The following KIDINS220 variants were observed in gnomAD, a reference collection of about 807,000 sequenced individuals.
The protein encoded by KIDINS220 is kinase D interacting substrate 220.
KIDINS220 carries 63 observed loss-of-function variants against 157.6 expected under a neutral mutation model. That is an observed-to-expected ratio of 0.40 (90% CI 0.33 to 0.49). The LOEUF is 0.49. Among genes scored for constraint, KIDINS220 ranks in the 20% least tolerant of loss-of-function variants. The pLI, the probability that KIDINS220 is intolerant of heterozygous loss-of-function variation, is 0.66. For missense variants in KIDINS220, 1,772 were observed against 2,171.2 expected, an observed-to-expected ratio of 0.82 and a Z score of 3.65; for synonymous variants, 732 against 783.6, an observed-to-expected ratio of 0.93 and a Z score of 1.10.
Position 8,731,781 on chromosome 2 carries a change from C to G in KIDINS220, c.4255G>C (p.Gly1419Arg), listed in dbSNP as rs372241002. Residue 1419 changes from glycine (G) to arginine (R), a missense_variant, in exon 30 of 30, where the codon GGT (glycine) becomes CGT (arginine). Coordinates refer to ENST00000256707, the MANE Select transcript of KIDINS220 (RefSeq NM_020738.4). The surrounding 1 kb of genome is among the most constrained non-coding windows in gnomAD (Gnocchi z 5.2). The part of the protein sequence containing the change: ...RSSPHSTYYM[G>R]QSSSGGSIHS... ...ATAGAGCCCCCTGATGAACTCTGAC[C>G]CATGTAATATGTGCTATGTGGAGAA... 34 of 1,613,982 alleles carry G rather than the reference C, an allele frequency of 2.1e-5. No homozygotes were observed. Among genetic ancestry groups the G allele is most frequent in the Admixed American group, 3.3e-5 (2 of 59,990 alleles).
intron 1 of KIDINS220, among the ~76,000 whole-genome samples, chr2:8,836,923 G>T (rs891123200): frequency 6.6e-6 from 1 of 152,192 alleles, no homozygotes; most frequent in Admixed American, 6.5e-5. Flanking sequence ...AAGTGATGAA[G>T]AAATTATTTC....
chr2:8,798,335 A>G (rs1159629216), intron 9 of KIDINS220, 35 bp from the exon 10 acceptor site: 1 of 1,159,430 alleles, frequency 8.6e-7, no homozygotes, highest in Non-Finnish European at 1.3e-6. Flanking sequence ...CACTTCATGT[A>G]AGATACAATA....
chr2:8,779,205 T>G, intron 18 of KIDINS220, 66 bp from the exon 19 acceptor site: 19 of 1,537,128 alleles, frequency 1.2e-5, no homozygotes, highest in Non-Finnish European at 1.5e-5. Flanking sequence ...AAGGCATCTC[T>G]TCAAAATATG....
intron 1 of KIDINS220, among the ~76,000 whole-genome samples, chr2:8,835,506 A>G (rs1680270000): frequency 6.6e-6 from 1 of 152,124 alleles, no homozygotes; most frequent in Admixed American, 6.5e-5. Flanking sequence ...GAGACAGCCA[A>G]TCAGCAAAGA....
chr2:8,737,356 A>T (rs1303053332), intron 26 of KIDINS220: 1 of 168,350 alleles, frequency 5.9e-6, no homozygotes, highest in Non-Finnish European at 1.3e-5. Context: ...ACACACACGC[A>T]AAAAGATGGA....
intron 17 of KIDINS220, among the ~76,000 whole-genome samples, chr2:8,781,846 G>A (rs1445406567): frequency 6.6e-6 from 1 of 152,238 alleles, no homozygotes; most frequent in Non-Finnish European, 1.5e-5. Flanking sequence ...ATCTGGCTGG[G>A]TGCAGTGGCT....
In KIDINS220 at chr2:8,776,773, T is replaced by C. The variant is rs1057120929; in HGVS notation, c.2823A>G (p.Arg941=). ...CTGTCACAGAAACAATATTAAGTAA[T>C]CTTCTCATGGTCTGGGGACTGATGT... The part of the protein sequence containing the change: ...FSDISPQTMR[R]LLNIVSVTGR... The change falls in exon 21 of 30, where the codon AGA becomes AGG. Residue 941 remains arginine, a synonymous_variant. Coordinates refer to ENST00000256707, the MANE Select transcript of KIDINS220 (RefSeq NM_020738.4). 1.9e-6 allele frequency: 3 copies of C among 1,613,802 alleles called. No homozygotes were observed. Among genetic ancestry groups the C allele is most frequent in the Non-Finnish European group, 2.5e-6 (3 of 1,179,912 alleles).
At chr2:8,776,487 G>A (rs1670970953) in intron 21 of KIDINS220, among the ~76,000 whole-genome samples, 1 of 151,986 alleles carries the variant, frequency 6.6e-6, no homozygotes, top group Non-Finnish European at 1.5e-5. Context: ...TATCTTTATA[G>A]TGAAAGAAAA....
intron 27 of KIDINS220, among the ~76,000 whole-genome samples, chr2:8,736,318 T>C (rs561374465): frequency 6.6e-6 from 1 of 152,176 alleles, no homozygotes; most frequent in Non-Finnish European, 1.5e-5. Context: ...CTGCTAGAAT[T>C]GCAATAGGAT....
rs754991074 is a variant in KIDINS220, at chr2:8,779,788, C to T, written c.2256G>A (p.Met752Ile). 4 of 1,613,978 alleles carry T rather than the reference C, an allele frequency of 2.5e-6. No homozygotes were observed. The African/African-American group carries it at 4.0e-5, about 16-fold the overall frequency. Reference sequence around the variant, plus strand: ...TGTCAATGGTTTTTGCCATCCTGGCCATCAATTCCACTTCACATTTAAGAA... The same window carrying T: ...TGTCAATGGTTTTTGCCATCCTGGCTATCAATTCCACTTCACATTTAAGAA... Reference protein sequence around the residue: ...MKVLKCEVELMARMAKTIDSF... With the variant: ...MKVLKCEVELIARMAKTIDSF... Residue 752 changes from methionine to isoleucine, a missense_variant, in exon 18 of 30, where the codon ATG becomes ATA. This residue lies in a region of KIDINS220 where 725 missense variants were observed against 1,017.1 expected (regional missense o/e 0.71). Coordinates refer to ENST00000256707, the MANE Select transcript of KIDINS220 (RefSeq NM_020738.4).
At chr2:8,819,763 T>A (rs930659275) in intron 2 of KIDINS220, among the ~76,000 whole-genome samples, 5 of 152,200 alleles carry the variant, frequency 3.3e-5, no homozygotes, top group African/African-American at 9.6e-5. Context: ...AGGCAAAGGT[T>A]GCAGTGAGCT....
intron 17 of KIDINS220, among the ~76,000 whole-genome samples, chr2:8,781,022 G>GTA (rs1315243638): frequency 3.3e-5 from 5 of 151,142 alleles, no homozygotes; most frequent in African/African-American, 1.2e-4. Flanking sequence ...AGAGCTAATT[G>GTA]TATGTTATCT....
chr2:8,765,147 G>A (rs1367035313), intron 22 of KIDINS220, among the ~76,000 whole-genome samples: 1 of 152,160 alleles, frequency 6.6e-6, no homozygotes, highest in Non-Finnish European at 1.5e-5. Context: ...GAAGGAGCCG[G>A]AGCCAGGCTG....
chr2:8,740,294 C>T, intron 26 of KIDINS220: 1 of 411,124 alleles, frequency 2.4e-6, no homozygotes, highest in Non-Finnish European at 3.3e-6. Context: ...ATTCCTATTT[C>T]CTCCTCACTC....
intron 11 of KIDINS220, among the ~76,000 whole-genome samples, chr2:8,794,852 C>G (rs1359159400): frequency 1.3e-5 from 2 of 152,186 alleles, no homozygotes; most frequent in Non-Finnish European, 2.9e-5. Flanking sequence ...TTCCAAGGCA[C>G]GACCTTATCT....
intron 27 of KIDINS220, among the ~76,000 whole-genome samples, chr2:8,736,225 A>G (rs1223634937): frequency 6.6e-6 from 1 of 152,234 alleles, no homozygotes; most frequent in Non-Finnish European, 1.5e-5. Flanking sequence ...TATAAAAAGT[A>G]TACCTTAGTG....
Position 8,802,940 on chromosome 2 carries a change from A to G in KIDINS220, c.791T>C (p.Ile264Thr). The G allele has an allele frequency of 6.2e-7, 1 of 1,613,588 alleles. No individual in the cohort carries two copies. Among genetic ancestry groups the G allele is most frequent in the Non-Finnish European group, 8.5e-7 (1 of 1,179,724 alleles). The change falls in exon 8 of 30, where the codon ATA becomes ACA. Residue 264 changes from isoleucine (I) to threonine (T), a missense_variant. Transcript: ENST00000256707. ...AAATAGATGACCTACCCTGTCAGGT[A>G]TGTTCACATATGTTCCAGCGTCGAG... ...DLLDAGTYVN[I>T]PDRSGDTVLI...
rs781621604 is a variant in KIDINS220 at position 8,730,960 on chromosome 2, G to A, written c.5076C>T (p.Ala1692=). ...CATCGAAATTTTGATTGGCTCTGTT[G>A]GCTGGAGCACTATTGTTGTTCAGAG... ...TVTLNNNSAP[A]NRANQNFDEM... is the part of the protein sequence containing the mutation. The change falls in exon 30 of 30, where the codon GCC becomes GCT. Residue 1692 remains alanine (A), a synonymous_variant. Transcript: ENST00000256707. The A allele has an allele frequency of 1.2e-6, 2 of 1,614,196 alleles. No individual in the cohort carries two copies. Among genetic ancestry groups the A allele is most frequent in the Admixed American group, 1.7e-5 (1 of 60,014 alleles).
In KIDINS220 at chr2:8,759,469, G is replaced by A. The variant is rs560345530; in HGVS notation, c.3012-7825C>T. 2.0e-5 allele frequency among the ~76,000 whole-genome samples: 3 copies of A among 150,528 alleles called. No individual in the cohort carries two copies. In the East Asian group the frequency reaches 5.8e-4, roughly 29 times the overall value. ...AGATTATGTTTTTATATGAAGGAAGGAAACTTGTACGCATGTAATTTAAAG... is the reference window on the plus strand; with the variant it reads ...AGATTATGTTTTTATATGAAGGAAGAAAACTTGTACGCATGTAATTTAAAG... On this transcript the variant is annotated intron_variant, in intron 22 of 29. Transcript: ENST00000256707.
Sources: gnomAD v4.1 joint callset for allele counts (sites outside exome capture counted in the v4.1 genomes callset) on GRCh38, gnomAD v4.1.1 for gene constraint, gnomAD v4.1.1 regional missense constraint, Gnocchi (gnomAD v3.1) non-coding constraint, MANE v1.5 for transcripts, NCBI Gene and HGNC (gene_info 2026-07-23, HGNC 2026-07-21) for gene names.